Variants in VAV3 observed in about 807,000 individuals in gnomAD.
VAV3 encodes the protein vav guanine nucleotide exchange factor 3.
VAV3 carries 94 observed loss-of-function variants against 131.2 expected under a neutral mutation model. The observed-to-expected ratio is 0.72, with a 90% CI of 0.61 to 0.85. The LOEUF is 0.85. VAV3 is among the 40% of genes least tolerant of loss of function. VAV3 has a pLI of 0.00. For missense variants in VAV3, 939 were observed against 1,002.7 expected (o/e 0.94, Z 0.86); for synonymous variants, 349 against 342.0 (o/e 1.02, Z -0.22).
At chr1:107,841,807 G>A (rs1238424569) in intron 2 of VAV3, among the ~76,000 whole-genome samples, 3 of 151,960 alleles carry the variant, frequency 2.0e-5, no homozygotes, top group African/African-American at 7.3e-5. Flanking sequence ...TACAAACTGG[G>A]TTTGGAAGAA....
intron 19 of VAV3, among the ~76,000 whole-genome samples, chr1:107,671,786 C>A (rs1348069188): frequency 9.7e-5 from 14 of 144,954 alleles, no homozygotes; most frequent in Admixed American, 6.9e-4. Flanking sequence ...CCAAAAAAAA[C>A]AAAACAAAAC....
At chr1:107,639,406 A>T (rs1320655157) in intron 20 of VAV3, among the ~76,000 whole-genome samples, 1 of 152,150 alleles carries the variant, frequency 6.6e-6, no homozygotes, top group African/African-American at 2.4e-5. Flanking sequence ...GATTAGGAGA[A>T]GCATATGGAA....
chr1:107,851,710 C>G (rs1447250882), intron 2 of VAV3, among the ~76,000 whole-genome samples: 1 of 152,104 alleles, frequency 6.6e-6, no homozygotes, highest in Non-Finnish European at 1.5e-5. Flanking sequence ...TGGAAATAAA[C>G]ATATAATAGA....
At chr1:107,666,782 A>T (rs1196301839) in intron 19 of VAV3, among the ~76,000 whole-genome samples, 5 of 152,062 alleles carry the variant, frequency 3.3e-5, no homozygotes, top group African/African-American at 1.2e-4. Context: ...CTATGACCTT[A>T]GTATATATTA....
intron 1 of VAV3, among the ~76,000 whole-genome samples, chr1:107,939,254 C>T (rs1673870016): frequency 6.6e-6 from 1 of 152,074 alleles, no homozygotes; most frequent in African/African-American, 2.4e-5. Flanking sequence ...CTTGCAAGTC[C>T]AAAAATGTTA....
At position 107,772,079 on chromosome 1, in the gene VAV3, T is replaced by C. The variant is rs554169668; in HGVS notation, c.555+656A>G. On this transcript the variant is annotated intron_variant, in intron 5 of 26. Transcript: ENST00000370056. ...GCAGCTGGTAAAGAAAAGTCTTTAA[T>C]ATACAAGAAAAAGTTATTAAGAACC... 3.9e-5 allele frequency among the ~76,000 whole-genome samples: 6 copies of C among 152,360 alleles called. No individual in the cohort carries two copies. In the East Asian group the frequency reaches 9.6e-4, roughly 24 times the overall value.
chr1:107,628,675 G>A (rs1316037440), intron 20 of VAV3, among the ~76,000 whole-genome samples: 1 of 152,146 alleles, frequency 6.6e-6, no homozygotes, highest in Non-Finnish European at 1.5e-5. Flanking sequence ...CTTTAAAAGT[G>A]TGTTTTTCTT....
chr1:107,605,554 TG>T (rs1652196546), intron 22 of VAV3, among the ~76,000 whole-genome samples: 2 of 152,226 alleles, frequency 1.3e-5, no homozygotes, highest in Admixed American at 1.3e-4. Context: ...CCAATCTCTG[TG>T]GTATTCTACT....
chr1:107,859,874 T>C (rs1294516202), intron 2 of VAV3, among the ~76,000 whole-genome samples: 3 of 152,152 alleles, frequency 2.0e-5, no homozygotes, highest in Non-Finnish European at 2.9e-5. Flanking sequence ...TGGAGAAAAC[T>C]AGTAAAATTT....
intron 25 of VAV3, among the ~76,000 whole-genome samples, chr1:107,587,018 T>TA (rs996319488): frequency 5.9e-5 from 9 of 152,046 alleles, no homozygotes; most frequent in African/African-American, 2.2e-4. Context: ...ACAGAACGTT[T>TA]AAAAAAACTT....
intron 2 of VAV3, among the ~76,000 whole-genome samples, chr1:107,829,821 C>A (rs113126874): frequency 5.3e-5 from 8 of 152,216 alleles, no homozygotes; most frequent in African/African-American, 1.9e-4. Context: ...CAAAAGAGAT[C>A]GCAGATTTGC....
In VAV3 at chr1:107,964,782, C is replaced by A; in HGVS notation, c.88G>T (p.Val30Leu). Reference protein sequence around the residue: ...NHRVTWDSAQVFDLAQTLRDG... With the variant: ...NHRVTWDSAQLFDLAQTLRDG... Reference sequence around the variant, plus strand: ...CGGAGGGTCTGCGCAAGGTCGAACACCTGAGCCGAGTCCCAGGTCACCCGG... The same window carrying A: ...CGGAGGGTCTGCGCAAGGTCGAACAACTGAGCCGAGTCCCAGGTCACCCGG... Residue 30 changes from valine (V) to leucine (L), a missense_variant, in exon 1 of 27, where the codon GTG (valine) becomes TTG (leucine). Physicochemically the swap from Val to Leu is conservative, Grantham distance 32. Coordinates refer to ENST00000370056, the MANE Select transcript of VAV3 (RefSeq NM_006113.5). The A allele has an allele frequency of 6.2e-7, 1 of 1,614,072 alleles. No individual in the cohort carries two copies. Among genetic ancestry groups the A allele is most frequent in the East Asian group, 2.2e-5 (1 of 44,850 alleles).
At position 107,609,913 on chromosome 1, in the gene VAV3, A is replaced by G; in HGVS notation, c.2015+18T>C. ...TATGGTATTTCAACCTAGCTACATA[A>G]ACATTTTTAATACTTACCAGGGTTG... On this transcript the variant is annotated intron_variant, in intron 22 of 26. Coordinates refer to ENST00000370056, the MANE Select transcript of VAV3 (RefSeq NM_006113.5). The G allele has an allele frequency of 6.2e-7, 1 of 1,611,496 alleles. No homozygotes were observed.
At chr1:107,664,706 TA>T (rs976829893) in intron 19 of VAV3, among the ~76,000 whole-genome samples, 3 of 151,622 alleles carry the variant, frequency 2.0e-5, no homozygotes, top group Admixed American at 6.6e-5. Context: ...CCCAGACCAT[TA>T]AAAAAAATAC....
At chr1:107,736,336 T>C (rs572862369) in intron 15 of VAV3, among the ~76,000 whole-genome samples, 2,299 of 152,174 alleles carry the variant, frequency 0.015, 61 homozygotes, top group African/African-American at 0.053. Context: ...CTATTCAACA[T>C]AGTGTTGAAA....
chr1:107,856,313 T>C (rs1669465394), intron 2 of VAV3, among the ~76,000 whole-genome samples: 1 of 152,222 alleles, frequency 6.6e-6, no homozygotes, highest in Admixed American at 6.5e-5. Flanking sequence ...GAAAACTGCT[T>C]ACATTTATAA....
chr1:107,722,128 T>G (rs1570826394), intron 15 of VAV3, among the ~76,000 whole-genome samples: 1 of 152,196 alleles, frequency 6.6e-6, no homozygotes, highest in East Asian at 1.9e-4. Flanking sequence ...CAGAGTCAGT[T>G]GTGCTTAAGA....
chr1:107,770,581 A>G (rs1664984751), intron 6 of VAV3, 55 bp downstream of exon 6: 2 of 1,115,378 alleles, frequency 1.8e-6, no homozygotes, highest in Admixed American at 3.7e-5. Flanking sequence ...TGAGTCTAAT[A>G]TATTAACTAT....
intron 15 of VAV3, among the ~76,000 whole-genome samples, chr1:107,710,743 G>A (rs550247128): frequency 2.0e-5 from 3 of 151,888 alleles, no homozygotes; most frequent in East Asian, 3.9e-4. Flanking sequence ...ATAGTTTATC[G>A]CCAGGATAGT....
Sources: gnomAD v4.1 joint callset for allele counts (sites outside exome capture counted in the v4.1 genomes callset) on GRCh38, gnomAD v4.1.1 for gene constraint, MANE v1.5 for transcripts, NCBI Gene and HGNC (gene_info 2026-07-23, HGNC 2026-07-21) for gene names.